Variants in CYB5B observed in about 807,000 individuals in gnomAD.
The protein encoded by CYB5B is cytochrome b5 type B (outer mitochondrial membrane).
In CYB5B, 14 loss-of-function variants were observed where a neutral mutation model predicts 21.3. The ratio of observed to expected loss-of-function variants is 0.66; its 90% CI spans 0.43 to 1.03. The LOEUF is 1.03. Ranked by LOEUF, CYB5B falls within the 50% of genes least tolerant of loss-of-function variation. The pLI, the probability that CYB5B is intolerant of heterozygous loss-of-function variation, is 0.00. For missense variants in CYB5B, 166 were observed against 185.1 expected (o/e 0.90, Z 0.60); for synonymous variants, 69 against 68.4 (o/e 1.01, Z -0.04).
chr16:69,429,384 G>A (rs1011586674), intron 1 of CYB5B, among the ~76,000 whole-genome samples: 1 of 152,132 alleles, frequency 6.6e-6, no homozygotes, highest in Non-Finnish European at 1.5e-5. Context: ...TTTACAGAGT[G>A]CCGATTGGTC....
chr16:69,435,452 A>C (rs2014750827), intron 1 of CYB5B, among the ~76,000 whole-genome samples: 1 of 152,138 alleles, frequency 6.6e-6, no homozygotes, highest in Admixed American at 6.5e-5. Flanking sequence ...GTGCCCAAGT[A>C]ATTCTTGTGT....
intron 3 of CYB5B, among the ~76,000 whole-genome samples, chr16:69,457,506 G>A (rs569335646): frequency 3.3e-5 from 5 of 152,000 alleles, no homozygotes; most frequent in African/African-American, 4.8e-5. Context: ...ATTATTTCTC[G>A]GTTACTGTAG....
intron 1 of CYB5B, among the ~76,000 whole-genome samples, chr16:69,446,667 G>A (rs2014881410): frequency 6.6e-6 from 1 of 152,172 alleles, no homozygotes; most frequent in South Asian, 2.1e-4. Context: ...TTACAGAAAA[G>A]TTGCAAGAAT....
Position 69,463,504 on chromosome 16 carries a change from GCTAT to G in CYB5B, c.*987_*990del, listed in dbSNP as rs1044351638. 1 of 152,102 alleles carries G rather than the reference GCTAT, an allele frequency of 6.6e-6. No individual in the cohort carries two copies. The highest frequency in any genetic ancestry group is 2.4e-5 in the African/African-American group (1 of 41,416). The allele number at this position is 152,102 out of a possible 1,614,324, so 9.4% of individuals were successfully genotyped here. ...CTAACCATCTGTTTTTTCTACCCTA[GCTAT>G]CTTTTATTGGTAAAATATAAATGTA... On this transcript the variant is annotated 3_prime_UTR_variant, in exon 5 of 5. Coordinates refer to ENST00000307892, the MANE Select transcript of CYB5B (RefSeq NM_030579.3).
intron 1 of CYB5B, chr16:69,444,291 C>G (rs902668593): frequency 6.6e-6 from 1 of 152,460 alleles, no homozygotes; most frequent in Non-Finnish European, 1.5e-5. Flanking sequence ...TAGCTCCTAC[C>G]CTCTGTCTTC....
At chr16:69,459,186 A>C in intron 4 of CYB5B, 65 bp downstream of exon 4, 1 of 1,565,734 alleles carries the variant, frequency 6.4e-7, no homozygotes, top group Non-Finnish European at 8.6e-7. Context: ...CTCTTCCATA[A>C]GTATATGTAT....
In CYB5B at chr16:69,463,123, G is replaced by A. The variant is rs1463706239; in HGVS notation, c.*603G>A. ...TTAATTCTTTTATTTATCATAAGGG[G>A]TTTAATTCCTGAAGTAAAGGTTTGC... On this transcript the variant is annotated 3_prime_UTR_variant, in exon 5 of 5. Coordinates refer to ENST00000307892, the MANE Select transcript of CYB5B (RefSeq NM_030579.3). 3 of 152,310 alleles carry A rather than the reference G, an allele frequency of 2.0e-5. No individual in the cohort carries two copies. Among genetic ancestry groups the A allele is most frequent in the African/African-American group, 7.2e-5 (3 of 41,536 alleles). The allele number at this position is 152,310 out of a possible 1,614,324, so 9.4% of individuals were successfully genotyped here. A position where few individuals can be genotyped will look rare whatever the true frequency, so the allele number is the denominator to read the frequency against.
At chr16:69,436,226 G>A (rs781555360) in intron 1 of CYB5B, among the ~76,000 whole-genome samples, 7 of 152,352 alleles carry the variant, frequency 4.6e-5, no homozygotes, top group South Asian at 2.1e-4. Flanking sequence ...TGGGACAGGC[G>A]TGGTCTCTGT....
chr16:69,459,133 C>T lies in CYB5B; in HGVS notation c.362+12C>T, dbSNP rs1325628338. Reference sequence around the variant, plus strand: ...GATACATGCAAAAGGTTAGTATCTCCTTAACAGCTTTCCATACGTTCAAGG... The same window carrying T: ...GATACATGCAAAAGGTTAGTATCTCTTTAACAGCTTTCCATACGTTCAAGG... On this transcript the variant is annotated intron_variant, in intron 4 of 4. Transcript: ENST00000307892. 3 of 1,603,196 alleles carry T rather than the reference C, an allele frequency of 1.9e-6. No individual in the cohort carries two copies. The highest frequency in any genetic ancestry group is 2.6e-6 in the Non-Finnish European group (3 of 1,176,272).
At chr16:69,438,880 G>A (rs2014790787) in intron 1 of CYB5B, among the ~76,000 whole-genome samples, 1 of 152,014 alleles carries the variant, frequency 6.6e-6, no homozygotes, top group African/African-American at 2.4e-5. Context: ...TATATGATTT[G>A]CAAATATTTT....
chr16:69,430,910 T>C (rs1321857080), intron 1 of CYB5B, among the ~76,000 whole-genome samples: 1 of 152,124 alleles, frequency 6.6e-6, no homozygotes, highest in Non-Finnish European at 1.5e-5. Context: ...TGACCTCCGG[T>C]GATTCACCCG....
intron 1 of CYB5B, among the ~76,000 whole-genome samples, chr16:69,445,817 A>C (rs1426536965): frequency 6.6e-6 from 1 of 152,146 alleles, no homozygotes; most frequent in African/African-American, 2.4e-5. Flanking sequence ...TTAGCTGGGC[A>C]TGGTGGCGCA....
chr16:69,452,742 C>T (rs1345287836), intron 3 of CYB5B, among the ~76,000 whole-genome samples: 1 of 152,012 alleles, frequency 6.6e-6, no homozygotes, highest in Non-Finnish European at 1.5e-5. Flanking sequence ...GGGGCGGTGG[C>T]TCACGCTTGT....
chr16:69,441,295 C>A (rs1034601078), intron 1 of CYB5B, among the ~76,000 whole-genome samples: 2 of 151,928 alleles, frequency 1.3e-5, no homozygotes, highest in Non-Finnish European at 2.9e-5. Context: ...CTGGGACTTA[C>A]AGGCACATGC....
At chr16:69,459,070 A>ATTT (rs34120910) in intron 3 of CYB5B, 23 bp from the exon 4 acceptor site, 612 of 1,365,630 alleles carry the variant, frequency 4.5e-4, no homozygotes, top group South Asian at 6.3e-4. Context: ...TTATTTTTGA[A>ATTT]TTTTTTTTTT....
At chr16:69,434,375 C>T (rs2014737937) in intron 1 of CYB5B, among the ~76,000 whole-genome samples, 1 of 152,158 alleles carries the variant, frequency 6.6e-6, no homozygotes, top group Non-Finnish European at 1.5e-5. Flanking sequence ...TCCTCCTGGG[C>T]AAATACCTAG....
chr16:69,430,072 GTCATTATCTT>G (rs1334096197), intron 1 of CYB5B, among the ~76,000 whole-genome samples: 1 of 152,150 alleles, frequency 6.6e-6, no homozygotes, highest in African/African-American at 2.4e-5. Context: ...AGTAGTACAT[GTCATTATCTT>G]TCCACCATTT....
At chr16:69,429,790 G>A (rs1455979727) in intron 1 of CYB5B, among the ~76,000 whole-genome samples, 1 of 152,182 alleles carries the variant, frequency 6.6e-6, no homozygotes, top group Non-Finnish European at 1.5e-5. Context: ...GTTGCTATTA[G>A]ATGAGAGAGG....
At chr16:69,446,450 A>T (rs902032333) in intron 1 of CYB5B, among the ~76,000 whole-genome samples, 3 of 152,084 alleles carry the variant, frequency 2.0e-5, no homozygotes, top group African/African-American at 7.2e-5. Context: ...CAGCCTCCTG[A>T]GTAGCTGGGA....
Sources: gnomAD v4.1 joint callset for allele counts (sites outside exome capture counted in the v4.1 genomes callset) on GRCh38, gnomAD v4.1.1 for gene constraint, MANE v1.5 for transcripts, NCBI Gene and HGNC (gene_info 2026-07-23, HGNC 2026-07-21) for gene names.